MACROD2: variants seen among roughly 807,000 people sequenced by gnomAD.
MACROD2 encodes the protein ADP-ribose glycohydrolase MACROD2.
MACROD2 carries 36 observed loss-of-function variants against 70.4 expected under a neutral mutation model. The observed-to-expected ratio is 0.51, with a 90% CI of 0.39 to 0.68. The LOEUF (loss-of-function observed/expected upper bound fraction) is 0.68. MACROD2 is among the 30% of genes least tolerant of loss of function. The pLI, the probability that MACROD2 is intolerant of heterozygous loss-of-function variation, is 0.00. For missense variants in MACROD2, 496 were observed against 538.4 expected (o/e 0.92, Z 0.78); for synonymous variants, 172 against 178.8 (o/e 0.96, Z 0.30).
chr20:15,385,136 T>C (rs1230966025), intron 6 of MACROD2, among the ~76,000 whole-genome samples: 1 of 152,136 alleles, frequency 6.6e-6, no homozygotes, highest in African/African-American at 2.4e-5. Context: ...GGGGCAGTGG[T>C]ATCTGAAGTG....
At chr20:14,780,494 G>A (rs1478989562) in intron 5 of MACROD2, among the ~76,000 whole-genome samples, 1 of 151,226 alleles carries the variant, frequency 6.6e-6, no homozygotes, top group African/African-American at 2.4e-5. Flanking sequence ...CCTGGGAGGC[G>A]GAGGTTGCAG....
At position 15,404,004 on chromosome 20, in the gene MACROD2, A is replaced by G. The variant is rs552097665; in HGVS notation, c.541-27401A>G. Among the ~76,000 whole-genome samples the G allele has an allele frequency of 3.3e-3, 502 of 152,320 alleles. 1 individual carries two copies. The highest frequency in any genetic ancestry group is 4.7e-3 in the Non-Finnish European group (317 of 68,026). ...CATTAAAGATCTACTTCCAGGACTC[A>G]AATAGGCATGTCTTATATTTGATGC... On this transcript the variant is annotated intron_variant, in intron 6 of 17. Coordinates refer to ENST00000684519, the MANE Select transcript of MACROD2 (RefSeq NM_001351661.2).
chr20:14,931,685 G>A (rs775558732), intron 5 of MACROD2, among the ~76,000 whole-genome samples: 15 of 151,934 alleles, frequency 9.9e-5, no homozygotes, highest in Non-Finnish European at 2.2e-4. Context: ...CTTCTGATAT[G>A]TCCCCGATTT....
chr20:15,641,181 C>G (rs1256157959), intron 8 of MACROD2, among the ~76,000 whole-genome samples: 1 of 152,204 alleles, frequency 6.6e-6, no homozygotes, highest in Non-Finnish European at 1.5e-5. Flanking sequence ...GAATCAAGGT[C>G]CCTTGATCAC....
chr20:15,501,233 A>C (rs577309329), intron 8 of MACROD2, among the ~76,000 whole-genome samples: 4 of 152,222 alleles, frequency 2.6e-5, no homozygotes, highest in African/African-American at 9.6e-5. Flanking sequence ...ACCTGGATTA[A>C]CTGCTTTGCA....
intron 5 of MACROD2, among the ~76,000 whole-genome samples, chr20:15,020,407 C>T (rs1172331281): frequency 6.6e-6 from 1 of 152,092 alleles, no homozygotes; most frequent in African/African-American, 2.4e-5. Context: ...TTGAAAATTA[C>T]TCTATGTTGT....
rs551242074 is a variant in MACROD2, at chr20:14,612,429, T to G, written c.302-72414T>G. Among the ~76,000 whole-genome samples the G allele has an allele frequency of 1.7e-3, 255 of 152,212 alleles. 1 individual carries two copies. The highest frequency in any genetic ancestry group is 5.7e-3 in the African/African-American group (238 of 41,548). ...GGACAACTGTAGACTTTGTGGATAT[T>G]GGAACAGATATAATAATTGTACTGT... On this transcript the variant is annotated intron_variant, in intron 4 of 17. Coordinates refer to ENST00000684519, the MANE Select transcript of MACROD2 (RefSeq NM_001351661.2).
chr20:15,507,120 G>A (rs1271474123), intron 8 of MACROD2, among the ~76,000 whole-genome samples: 2 of 152,144 alleles, frequency 1.3e-5, no homozygotes, highest in Admixed American at 6.5e-5. Context: ...ACACCACTGA[G>A]GACAGTTAGT....
At chr20:15,195,286 A>C (rs1433525780) in intron 5 of MACROD2, among the ~76,000 whole-genome samples, 4 of 152,218 alleles carry the variant, frequency 2.6e-5, no homozygotes, top group African/African-American at 9.6e-5. Context: ...CTATGATCAG[A>C]GTGAACAGAC....
intron 6 of MACROD2, among the ~76,000 whole-genome samples, chr20:15,378,767 G>A (rs6043241): frequency 0.14 from 21,826 of 152,014 alleles, 2,198 homozygotes; most frequent in African/African-American, 0.29. Context: ...AACTCAAACA[G>A]AATAGTAAAA....
chr20:15,688,063 C>T (rs1397619656), intron 8 of MACROD2, among the ~76,000 whole-genome samples: 3 of 152,124 alleles, frequency 2.0e-5, no homozygotes, highest in Non-Finnish European at 4.4e-5. Flanking sequence ...AGGCCATGGT[C>T]TCTGCCATGA....
intron 8 of MACROD2, among the ~76,000 whole-genome samples, chr20:15,777,641 T>TCG: frequency 9.5e-6 from 1 of 105,380 alleles, no homozygotes; most frequent in Non-Finnish European, 1.9e-5. Context: ...TTCCTTCCTC[T>TCG]CTCTCTCTCT....
intron 5 of MACROD2, among the ~76,000 whole-genome samples, chr20:15,068,318 A>C (rs916267783): frequency 6.6e-6 from 1 of 152,202 alleles, no homozygotes; most frequent in East Asian, 1.9e-4. Flanking sequence ...TACATTGTAT[A>C]TAGTTTAAAA....
chr20:15,136,492 G>C (rs1441672915), intron 5 of MACROD2, among the ~76,000 whole-genome samples: 5 of 152,178 alleles, frequency 3.3e-5, no homozygotes, highest in Admixed American at 6.5e-5. Flanking sequence ...ATGGTGCTGG[G>C]AAAACTGGCT....
intron 8 of MACROD2, among the ~76,000 whole-genome samples, chr20:15,629,066 T>C (rs2049249364): frequency 1.3e-5 from 2 of 152,254 alleles, no homozygotes; most frequent in Admixed American, 6.5e-5. Context: ...AGGGCTGGTA[T>C]GAATACTCTT....
chr20:15,915,407 G>A (rs567053229), intron 10 of MACROD2, among the ~76,000 whole-genome samples: 2 of 152,140 alleles, frequency 1.3e-5, no homozygotes, highest in Non-Finnish European at 2.9e-5. Context: ...TAGAAGCTCT[G>A]TGCCAGGTAC....
chr20:15,837,484 T>C (rs2064126973), intron 8 of MACROD2, among the ~76,000 whole-genome samples: 3 of 152,298 alleles, frequency 2.0e-5, no homozygotes, highest in Middle Eastern at 6.8e-3. Context: ...TCGAGGGCTC[T>C]ACTGTGTCCT....
At chr20:14,151,357 G>A (rs2055018004) in intron 3 of MACROD2, among the ~76,000 whole-genome samples, 1 of 151,978 alleles carries the variant, frequency 6.6e-6, no homozygotes, top group African/African-American at 2.4e-5. Flanking sequence ...CTATGAACCT[G>A]ATTTTGTGTG....
At chr20:14,738,763 TA>T (rs1329983052) in intron 5 of MACROD2, among the ~76,000 whole-genome samples, 2 of 151,756 alleles carry the variant, frequency 1.3e-5, no homozygotes, top group Non-Finnish European at 2.9e-5. Flanking sequence ...CAAATAATTT[TA>T]AACATCACAA....
Sources: gnomAD v4.1 joint callset for allele counts (sites outside exome capture counted in the v4.1 genomes callset) on GRCh38, gnomAD v4.1.1 for gene constraint, MANE v1.5 for transcripts, NCBI Gene and HGNC (gene_info 2026-07-23, HGNC 2026-07-21) for gene names.